The following SEMA6C variants were observed in gnomAD, a reference collection of about 807,000 sequenced individuals.
SEMA6C encodes semaphorin 6C, also known as semaphorin-6C.
A neutral mutation model predicts 72.9 loss-of-function variants in SEMA6C; 37 were observed. The observed-to-expected ratio is 0.51, with a 90% CI of 0.39 to 0.67. The LOEUF is 0.67. SEMA6C is among the 30% of genes least tolerant of loss of function. The pLI is 0.00. For synonymous variants in SEMA6C, 578 were observed against 554.1 expected, an observed-to-expected ratio of 1.04 and a Z score of -0.61; for missense variants, 1,189 against 1,263.6, an observed-to-expected ratio of 0.94 and a Z score of 0.89.
At chr1:151,142,802 C>G (rs1682660033) in intron 2 of SEMA6C, 127 bp from the exon 3 acceptor site, 2 of 543,962 alleles carry the variant, frequency 3.7e-6, no homozygotes, top group Admixed American at 3.5e-5. Context: ...AACCCTCTCT[C>G]CAGCACTGCC....
rs758682062 is a variant in SEMA6C, at chr1:151,133,211, C to A, written c.2066G>T (p.Gly689Val). The change falls in exon 19 of 19, where the codon GGC (glycine) becomes GTC (valine). Residue 689 changes from glycine (G) to valine (V), a missense_variant. Physicochemically the swap from Gly to Val is moderately radical, Grantham distance 109. Transcript: ENST00000368914. The surrounding 1 kb of genome is among the most constrained non-coding windows in gnomAD (Gnocchi z 5.9). ...LYTTFLPPPE[G>V]VPPPELACLP... ...GCAGGCCAGCTCCGGCGGGGGCACG[C>A]CCTCCGGAGGCGGCAGGAAGGTGGT... is the stretch of plus-strand genomic sequence containing the variant. 1 of 1,574,930 alleles carries A rather than the reference C, an allele frequency of 6.3e-7. No homozygotes were observed. Among genetic ancestry groups the A allele is most frequent in the Non-Finnish European group, 8.6e-7 (1 of 1,167,994 alleles).
chr1:151,139,426 G>A lies in SEMA6C; in HGVS notation c.353C>T (p.Thr118Met), dbSNP rs779953197. The change falls in exon 6 of 19, where the codon ACG (threonine) becomes ATG (methionine). Residue 118 changes from threonine (T) to methionine (M), a missense_variant and splice_region_variant. Physicochemically the swap from Thr to Met is moderately conservative, Grantham distance 81. Around this residue, in one of 2 missense-constraint regions of SEMA6C, gnomAD observed 468 missense variants for 577.4 expected, o/e 0.81. Transcript: ENST00000368914. The part of the protein sequence containing the change: ...VENCAVRGKL[T>M]DECYNYIRVL... The stretch of plus-strand genomic sequence containing the variant: ...CCACATTCTCGTCTCACTCCTTACC[G>A]TCAGCTTTCCCCGTACAGCACAGTT... The A allele has an allele frequency of 8.1e-6, 13 of 1,613,100 alleles. No individual in the cohort carries two copies. The highest frequency in any genetic ancestry group is 1.6e-4 in the Middle Eastern group (1 of 6,084).
rs1266312657 is a variant in SEMA6C at position 151,132,513 on chromosome 1, C to A, written c.2764G>T (p.Val922Phe). 33 of 1,549,850 alleles carry A rather than the reference C, an allele frequency of 2.1e-5. No homozygotes were observed. The highest frequency in any genetic ancestry group is 1.7e-4 in the Middle Eastern group (1 of 5,978). ...AAGTTGAAACGGCCGCCGTTCGGGA[C>A]GGCCTGGCGGGAGGAGGGCCCGACG... is the stretch of plus-strand genomic sequence containing the variant. Reference protein sequence around the residue: ...PLVGPSSRQAVPNGGRFNF With the variant: ...PLVGPSSRQAFPNGGRFNF Residue 922 changes from valine (V) to phenylalanine (F), a missense_variant, in exon 19 of 19, where the codon GTC becomes TTC. Coordinates refer to ENST00000368914, the MANE Select transcript of SEMA6C (RefSeq NM_030913.6).
Position 151,134,946 on chromosome 1 carries a change from C to T in SEMA6C, c.1581-71G>A. 4 of 1,477,478 alleles carry T rather than the reference C, an allele frequency of 2.7e-6. No individual in the cohort carries two copies. In the South Asian group the frequency reaches 3.4e-5, roughly 13 times the overall value. 91.5% of individuals were successfully genotyped at this position (1,477,478 alleles called of 1,614,324 possible). A position where few individuals can be genotyped will look rare whatever the true frequency, so the allele number is the denominator to read the frequency against. ...GTCACTTTCCATTCTGCTGCCTTTT[C>T]CCACCCTGGCTTACAGGAGGCTCCC... On this transcript the variant is annotated intron_variant, in intron 15 of 18. Transcript: ENST00000368914.
chr1:151,136,854 A>C lies in SEMA6C; in HGVS notation c.974+3T>G, dbSNP rs760148001. Reference sequence around the variant, plus strand: ...GGGTCACACTAGTCAGCCTAGTACCAACCTATTGGTCTGGGTGGTGAAGAC... The same window carrying C: ...GGGTCACACTAGTCAGCCTAGTACCCACCTATTGGTCTGGGTGGTGAAGAC... On this transcript the variant is annotated splice_donor_region_variant and intron_variant, in intron 11 of 18. Coordinates refer to ENST00000368914, the MANE Select transcript of SEMA6C (RefSeq NM_030913.6). 3.1e-6 allele frequency: 5 copies of C among 1,613,150 alleles called. No homozygotes were observed. The highest frequency in any genetic ancestry group is 4.2e-6 in the Non-Finnish European group (5 of 1,179,544).
In SEMA6C at chr1:151,135,295, C is replaced by A; in HGVS notation, c.1448G>T (p.Arg483Leu). ...AYSPARCSGK[R>L]TAQTARRIIG... ...GATCCGTCGTGCTGTTTGGGCTGTCCGCTTCCCACTGCACCTAGGGTGAGG... is the reference window on the plus strand; with the variant it reads ...GATCCGTCGTGCTGTTTGGGCTGTCAGCTTCCCACTGCACCTAGGGTGAGG... Residue 483 changes from arginine to leucine, a missense_variant, in exon 15 of 19, where the codon CGG (arginine) becomes CTG (leucine). Arg to Leu is a moderately radical substitution (Grantham distance 102). Around this residue, in one of 2 missense-constraint regions of SEMA6C, gnomAD observed 721 missense variants for 686.2 expected, o/e 1.05. Transcript: ENST00000368914. 6.2e-7 allele frequency: 1 copy of A among 1,613,784 alleles called. No homozygotes were observed. Among genetic ancestry groups the A allele is most frequent in the South Asian group, 1.1e-5 (1 of 91,050 alleles).
chr1:151,133,210 GC>G lies in SEMA6C; in HGVS notation c.2066del (p.Gly689AlafsTer62). ...GGCAGGCCAGCTCCGGCGGGGGCAC[GC>G]CCTCCGGAGGCGGCAGGAAGGTGGT... ...LYTTFLPPPE[G>X]VPPPELACLP... On this transcript the variant is annotated frameshift_variant, in exon 19 of 19. Coordinates refer to ENST00000368914, the MANE Select transcript of SEMA6C (RefSeq NM_030913.6). LOFTEE classifies it low-confidence loss of function (END_TRUNC). This position sits in a 1 kb window ranked among gnomAD's most constrained non-coding sequence, Gnocchi z 5.9. The G allele has an allele frequency of 6.4e-7, 1 of 1,573,758 alleles. No individual in the cohort carries two copies.
At position 151,131,814 on chromosome 1, in the gene SEMA6C, C is replaced by T. The variant is rs1026195892; in HGVS notation, c.*670G>A. ...CCTCTTACCTCGATCTGGAAACGAG[C>T]TCCGAGGGCCTTCCCCAGCCTCAAC... On this transcript the variant is annotated 3_prime_UTR_variant, in exon 19 of 19. Coordinates refer to ENST00000368914, the MANE Select transcript of SEMA6C (RefSeq NM_030913.6). 1.8e-5 allele frequency: 3 copies of T among 165,298 alleles called. No homozygotes were observed. Among genetic ancestry groups the T allele is most frequent in the African/African-American group, 7.2e-5 (3 of 41,496 alleles). 10.2% of individuals were successfully genotyped at this position (165,298 alleles called of 1,614,324 possible). A position where few individuals can be genotyped will look rare whatever the true frequency, so the allele number is the denominator to read the frequency against.
At position 151,133,434 on chromosome 1, in the gene SEMA6C, CA is replaced by C; in HGVS notation, c.1842del (p.Phe614LeufsTer137). On this transcript the variant is annotated frameshift_variant, in exon 19 of 19. Coordinates refer to ENST00000368914, the MANE Select transcript of SEMA6C (RefSeq NM_030913.6). LOFTEE classifies it low-confidence loss of function (END_TRUNC). This position sits in a 1 kb window ranked among gnomAD's most constrained non-coding sequence, Gnocchi z 5.9. ...PLLLASVAAA[F>X]ALGASVSGLL... ...AGGCCAGAGACTGAGGCGCCCAGGG[CA>C]AAAGCTGCGGCCACACTGGCCAGGA... The C allele has an allele frequency of 1.3e-6, 2 of 1,582,874 alleles. No homozygotes were observed. The highest frequency in any genetic ancestry group is 1.1e-5 in the South Asian group (1 of 88,514).
Position 151,138,124 on chromosome 1 carries a change from TG to T in SEMA6C, c.548-20del, listed in dbSNP as rs1180600272. The T allele has an allele frequency of 3.7e-6, 6 of 1,612,692 alleles. No individual in the cohort carries two copies. In the South Asian group the frequency reaches 5.5e-5, roughly 15 times the overall value. ...CTGCCCTCTGGAGGGATGGGTGGAG[TG>T]GGGTCAGGGGAGGGCTCAGGGATCT... On this transcript the variant is annotated intron_variant, in intron 8 of 18. Coordinates refer to ENST00000368914, the MANE Select transcript of SEMA6C (RefSeq NM_030913.6).
In SEMA6C at chr1:151,138,389, C is replaced by T. The variant is rs1391560171; in HGVS notation, c.474G>A (p.Gln158=). ...CCTGCCCACTCAGTTCCTCACCCTC[C>T]TGCTGCAGCGAAGTTATCTGAGGGC... ...CRSYGITSLQ[Q]EGEELSGQAR... Residue 158 remains glutamine, a synonymous_variant, in exon 8 of 19, where the codon CAG becomes CAA. Coordinates refer to ENST00000368914, the MANE Select transcript of SEMA6C (RefSeq NM_030913.6). The T allele has an allele frequency of 3.7e-6, 6 of 1,613,730 alleles. No homozygotes were observed. The highest frequency in any genetic ancestry group is 1.7e-6 in the Non-Finnish European group (2 of 1,179,872).
Position 151,145,235 on chromosome 1 carries a change from C to T in SEMA6C, c.-104-801G>A, listed in dbSNP as rs114240274. 1,184 of 152,436 alleles carry T rather than the reference C, an allele frequency of 7.8e-3. 7 individuals carry two copies. Among genetic ancestry groups the T allele is most frequent in the Non-Finnish European group, 0.013 (862 of 68,106 alleles). 9.4% of individuals were successfully genotyped at this position (152,436 alleles called of 1,614,324 possible). A position where few individuals can be genotyped will look rare whatever the true frequency, so the allele number is the denominator to read the frequency against. On this transcript the variant is annotated intron_variant, in intron 1 of 18. Transcript: ENST00000368914. This position sits in a 1 kb window ranked among gnomAD's most constrained non-coding sequence, Gnocchi z 4.4. ...AAACAGCCCTTCTCTCTCCTGGCCC[C>T]GAAGCCACCTCTGGGGAATGGCTGG...
intron 3 of SEMA6C, among the ~76,000 whole-genome samples, chr1:151,142,130 G>A (rs1682607431): frequency 6.6e-6 from 1 of 151,492 alleles, no homozygotes; most frequent in South Asian, 2.1e-4. Flanking sequence ...TCCGCCTTCC[G>A]GGTTCATGCC....
At chr1:151,138,503 C>A in intron 7 of SEMA6C, 97 bp from the exon 8 acceptor site, 1 of 1,424,152 alleles carries the variant, frequency 7.0e-7, no homozygotes, top group Non-Finnish European at 9.8e-7. Flanking sequence ...TCCCCAACCC[C>A]TCTGGACCCT....
At chr1:151,135,005 C>T (rs1681901003) in intron 15 of SEMA6C, 130 bp from the exon 16 acceptor site, 3 of 1,343,344 alleles carry the variant, frequency 2.2e-6, no homozygotes, top group Non-Finnish European at 3.2e-6. Flanking sequence ...TCAGTCTCTC[C>T]ACACCCTGGT....
downstream of SEMA6C, chr1:151,131,685 T>C (rs1327198058): frequency 1.3e-5 from 2 of 152,616 alleles, no homozygotes; most frequent in Non-Finnish European, 2.9e-5. Flanking sequence ...AAGGACAAGA[T>C]TTTCTGATGT....
Position 151,133,065 on chromosome 1 carries a change from C to G in SEMA6C, c.2212G>C (p.Gly738Arg). 6.1e-6 allele frequency: 9 copies of G among 1,474,822 alleles called. No individual in the cohort carries two copies. Among genetic ancestry groups the G allele is most frequent in the Non-Finnish European group, 8.0e-6 (9 of 1,125,070 alleles). The allele number at this position is 1,474,822 out of a possible 1,614,324, so 91.4% of individuals were successfully genotyped here. Residue 738 changes from glycine to arginine, a missense_variant, in exon 19 of 19, where the codon GGG becomes CGG. This residue lies in a region of SEMA6C where 721 missense variants were observed against 686.2 expected (regional missense o/e 1.05). Coordinates refer to ENST00000368914, the MANE Select transcript of SEMA6C (RefSeq NM_030913.6). The surrounding 1 kb of genome is among the most constrained non-coding windows in gnomAD (Gnocchi z 5.9). ...GGCGCGGGCCCGCCCGCCGCGTGCCCGCCCCGTGAGCGGCCCGGACCCTCC... is the reference window on the plus strand; with the variant it reads ...GGCGCGGGCCCGCCCGCCGCGTGCCGGCCCCGTGAGCGGCCCGGACCCTCC... ...AKEGPGRSRGGHAAGGPAPRV... is the reference protein window; with the variant it reads ...AKEGPGRSRGRHAAGGPAPRV...
chr1:151,141,818 A>G (rs587770113), intron 3 of SEMA6C, among the ~76,000 whole-genome samples: 1 of 144,998 alleles, frequency 6.9e-6, no homozygotes, highest in South Asian at 2.2e-4. Context: ...TGCAGTGGCT[A>G]TTCACAGGCG....
In SEMA6C at chr1:151,142,486, T is replaced by C. The variant is rs1348562026; in HGVS notation, c.118+18A>G. On this transcript the variant is annotated intron_variant, in intron 3 of 18. Transcript: ENST00000368914. ...AATTGTTCACAGAGATGGGGCAAGG[T>C]AGGTACTGGGCACTCACCTTGAAGG... 1.2e-6 allele frequency: 2 copies of C among 1,612,842 alleles called. No individual in the cohort carries two copies. Among genetic ancestry groups the C allele is most frequent in the African/African-American group, 1.3e-5 (1 of 74,840 alleles).
Sources: gnomAD v4.1 joint callset for allele counts (sites outside exome capture counted in the v4.1 genomes callset) on GRCh38, gnomAD v4.1.1 for gene constraint, gnomAD v4.1.1 regional missense constraint, Gnocchi (gnomAD v3.1) non-coding constraint, MANE v1.5 for transcripts, NCBI Gene and HGNC (gene_info 2026-07-23, HGNC 2026-07-21) for gene names.